The following XYLT1 variants were observed in gnomAD, a reference collection of about 807,000 sequenced individuals.
The protein encoded by XYLT1 is xylosyltransferase 1.
XYLT1 carries 36 observed loss-of-function variants against 91.3 expected under a neutral mutation model. The observed-to-expected ratio is 0.39, with a 90% confidence interval of 0.30 to 0.52. The LOEUF (loss-of-function observed/expected upper bound fraction) is 0.52. XYLT1 is among the 20% of genes least tolerant of loss of function. The probability of loss-of-function intolerance (pLI) is 0.68; values close to 1 mark genes in which losing one functional copy is unlikely to be tolerated. For missense variants in XYLT1, 1,242 were observed against 1,284.5 expected, an observed-to-expected ratio of 0.97 and a Z score of 0.51; for synonymous variants, 588 against 532.0, an observed-to-expected ratio of 1.11 and a Z score of -1.45.
intron 6 of XYLT1, among the ~76,000 whole-genome samples, chr16:17,158,346 G>A (rs2031463100): frequency 6.6e-6 from 1 of 152,190 alleles, no homozygotes; most frequent in Non-Finnish European, 1.5e-5. Flanking sequence ...ATGCTGGTAT[G>A]ACACTCTTTT....
chr16:17,415,906 C>T (rs1478296703), intron 1 of XYLT1, among the ~76,000 whole-genome samples: 1 of 152,150 alleles, frequency 6.6e-6, no homozygotes, highest in Non-Finnish European at 1.5e-5. Context: ...CAGACAGCTT[C>T]TATGGGGAAG....
In XYLT1 at chr16:17,470,788, C is replaced by G; in HGVS notation, c.9G>C (p.Ala3=). The G allele has an allele frequency of 9.8e-7, 1 of 1,016,050 alleles. No individual in the cohort carries two copies. The highest frequency in any genetic ancestry group is 1.2e-6 in the Non-Finnish European group (1 of 851,860). The allele number at this position is 1,016,050 out of a possible 1,614,324, so 62.9% of individuals were successfully genotyped here. Residue 3 remains alanine (A), a synonymous_variant, in exon 1 of 12, where the codon GCG becomes GCC. Coordinates refer to ENST00000261381, the MANE Select transcript of XYLT1 (RefSeq NM_022166.4). Reference sequence around the variant, plus strand: ...GGGCCAGCCTCCGGGCGCACGGCGCCGCCACCATCTTCGGAGCGCGGCCGG... The same window carrying G: ...GGGCCAGCCTCCGGGCGCACGGCGCGGCCACCATCTTCGGAGCGCGGCCGG... MV[A]APCARRLARR... is the part of the protein sequence containing the mutation.
chr16:17,206,223 T>C (rs2032640773), intron 3 of XYLT1, among the ~76,000 whole-genome samples: 1 of 152,160 alleles, frequency 6.6e-6, no homozygotes, highest in Non-Finnish European at 1.5e-5. Context: ...GCAGGCGCGT[T>C]GCAGAGGAGC....
intron 5 of XYLT1, among the ~76,000 whole-genome samples, chr16:17,163,412 C>A (rs978317118): frequency 6.6e-6 from 1 of 152,212 alleles, no homozygotes; most frequent in East Asian, 1.9e-4. Flanking sequence ...GCACACAATG[C>A]CTGTTTGCTG....
chr16:17,157,018 A>T (rs1001836543), intron 6 of XYLT1, among the ~76,000 whole-genome samples: 2 of 150,242 alleles, frequency 1.3e-5, no homozygotes, highest in Non-Finnish European at 3.0e-5. Flanking sequence ...TACAATCTCC[A>T]CTCACTGCAA....
intron 2 of XYLT1, among the ~76,000 whole-genome samples, chr16:17,348,648 C>T (rs911781410): frequency 2.0e-5 from 3 of 152,198 alleles, no homozygotes; most frequent in Admixed American, 6.5e-5. Flanking sequence ...CATGCAATCA[C>T]CCCTCCAGCT....
At chr16:17,315,872 C>G (rs2034622776) in intron 2 of XYLT1, among the ~76,000 whole-genome samples, 1 of 152,158 alleles carries the variant, frequency 6.6e-6, no homozygotes, top group South Asian at 2.1e-4. Context: ...CGGCAAGTCC[C>G]TGGTAGGAGG....
chr16:17,467,750 C>A (rs1047688505), intron 1 of XYLT1, among the ~76,000 whole-genome samples: 7 of 152,128 alleles, frequency 4.6e-5, no homozygotes, highest in African/African-American at 1.7e-4. Flanking sequence ...TTAGGAAATG[C>A]CCTATACACA....
intron 1 of XYLT1, among the ~76,000 whole-genome samples, chr16:17,389,309 G>A (rs1161617670): frequency 1.3e-5 from 2 of 152,162 alleles, no homozygotes; most frequent in Non-Finnish European, 1.5e-5. Context: ...GCAGCGGCAC[G>A]ATCCTGGCTC....
intron 9 of XYLT1, among the ~76,000 whole-genome samples, chr16:17,128,909 C>G (rs1287808532): frequency 6.6e-6 from 1 of 152,136 alleles, no homozygotes; most frequent in African/African-American, 2.4e-5. Context: ...TAGCATTTCA[C>G]AAATCATTGT....
chr16:17,278,425 G>C (rs1023452913), intron 2 of XYLT1, among the ~76,000 whole-genome samples: 2 of 152,152 alleles, frequency 1.3e-5, no homozygotes, highest in African/African-American at 4.8e-5. Flanking sequence ...AGGTGGGTGG[G>C]TCACTACCTC....
intron 6 of XYLT1, among the ~76,000 whole-genome samples, chr16:17,157,453 C>T (rs528909964): frequency 6.6e-6 from 1 of 152,248 alleles, no homozygotes; most frequent in East Asian, 1.9e-4. Flanking sequence ...GACCGAGCGA[C>T]CTAAGATCCA....
chr16:17,206,923 AG>A (rs2032657498), intron 3 of XYLT1, among the ~76,000 whole-genome samples: 1 of 152,198 alleles, frequency 6.6e-6, no homozygotes. Context: ...AACCCAAATG[AG>A]GGAGATGAAA....
intron 2 of XYLT1, among the ~76,000 whole-genome samples, chr16:17,275,473 G>C (rs995163216): frequency 1.3e-5 from 2 of 152,158 alleles, no homozygotes; most frequent in Non-Finnish European, 2.9e-5. Context: ...GCCTGGGGTG[G>C]GGAAGGGAGG....
intron 2 of XYLT1, among the ~76,000 whole-genome samples, chr16:17,289,344 C>T (rs2141795953): frequency 6.6e-6 from 1 of 152,140 alleles, no homozygotes; most frequent in South Asian, 2.1e-4. Context: ...CTTTTTTCCC[C>T]TTTCTCTGTC....
intron 9 of XYLT1, among the ~76,000 whole-genome samples, chr16:17,128,146 G>C (rs900077244): frequency 6.6e-6 from 1 of 152,158 alleles, no homozygotes; most frequent in African/African-American, 2.4e-5. Flanking sequence ...CAGATATTGA[G>C]TCCTCTGGTG....
chr16:17,367,279 C>T (rs917884256), intron 1 of XYLT1, among the ~76,000 whole-genome samples: 1 of 152,212 alleles, frequency 6.6e-6, no homozygotes, highest in Non-Finnish European at 1.5e-5. Context: ...AGAAGGCAGC[C>T]GTTACCCGAC....
At chr16:17,206,641 CAGA>C (rs1338485971) in intron 3 of XYLT1, among the ~76,000 whole-genome samples, 1 of 152,140 alleles carries the variant, frequency 6.6e-6, no homozygotes, top group African/African-American at 2.4e-5. Flanking sequence ...GAGGCTGAGG[CAGA>C]AGGACTGCTT....
intron 5 of XYLT1, chr16:17,193,803 C>T (rs573092589): frequency 6.6e-6 from 1 of 152,192 alleles, no homozygotes; most frequent in South Asian, 2.1e-4. Context: ...CATTCATCTG[C>T]AAAATTCATA....
Sources: allele counts gnomAD v4.1 joint callset (sites outside exome capture counted in the v4.1 genomes callset), GRCh38; gene constraint gnomAD v4.1.1; transcripts MANE v1.5; gene names NCBI Gene and HGNC (gene_info 2026-07-23, HGNC 2026-07-21).